Variants in ACTL8 observed in about 807,000 individuals in gnomAD.
ACTL8 encodes actin-like protein 8.
Under a neutral mutation model 9.3 loss-of-function variants are expected in ACTL8, and 3 were observed. That is an observed-to-expected ratio of 0.32 (90% CI 0.15 to 0.83). ACTL8 has a LOEUF of 0.83. Ranked by LOEUF, ACTL8 falls within the 40% of genes least tolerant of loss-of-function variation. The pLI is 0.57. For missense variants in ACTL8, 381 were observed against 492.2 expected (o/e 0.77, Z 2.14); for synonymous variants, 224 against 205.9 (o/e 1.09, Z -0.75).
chr1:17,778,851 A>G (rs1379664917), intron 1 of ACTL8, among the ~76,000 whole-genome samples: 1 of 151,934 alleles, frequency 6.6e-6, no homozygotes, highest in East Asian at 1.9e-4. Context: ...CCAGACATGG[A>G]TTTGGTGCTC....
At chr1:17,778,922 T>C (rs1054513660) in intron 1 of ACTL8, among the ~76,000 whole-genome samples, 18 of 152,230 alleles carry the variant, frequency 1.2e-4, no homozygotes, top group African/African-American at 3.6e-4. Context: ...GTGGGAATGA[T>C]AGAGGGGCTG....
chr1:17,824,615 T>A (rs1204819444), intron 2 of ACTL8, among the ~76,000 whole-genome samples: 3 of 152,218 alleles, frequency 2.0e-5, no homozygotes, highest in Non-Finnish European at 4.4e-5. Flanking sequence ...AATGTCTTAG[T>A]ATTTAAGTAT....
chr1:17,825,636 C>A, intron 2 of ACTL8, 131 bp from the exon 3 acceptor site: 1 of 1,216,410 alleles, frequency 8.2e-7, no homozygotes, highest in Non-Finnish European at 1.1e-6. Flanking sequence ...GCATAAGCTC[C>A]AGGGGCCCTG....
intron 1 of ACTL8, among the ~76,000 whole-genome samples, chr1:17,776,395 G>C (rs1422178527): frequency 6.6e-6 from 1 of 152,178 alleles, no homozygotes; most frequent in Non-Finnish European, 1.5e-5. Flanking sequence ...GGACTGCTGG[G>C]TTGGTCCTGA....
intron 1 of ACTL8, among the ~76,000 whole-genome samples, chr1:17,760,850 A>C (rs2065997133): frequency 6.6e-6 from 1 of 152,236 alleles, no homozygotes; most frequent in African/African-American, 2.4e-5. Context: ...AGCGGCCATG[A>C]TTAGTCAAAT....
intron 1 of ACTL8, among the ~76,000 whole-genome samples, chr1:17,820,843 T>G (rs1162510422): frequency 6.6e-6 from 1 of 152,158 alleles, no homozygotes; most frequent in African/African-American, 2.4e-5. Context: ...TCCCAAAGTA[T>G]GCTGAACTTT....
At chr1:17,772,230 A>G (rs2066087885) in intron 1 of ACTL8, among the ~76,000 whole-genome samples, 1 of 152,242 alleles carries the variant, frequency 6.6e-6, no homozygotes, top group African/African-American at 2.4e-5. Flanking sequence ...CATTGGAACA[A>G]ATACGCATTT....
chr1:17,790,569 G>A (rs1424040645), intron 1 of ACTL8, among the ~76,000 whole-genome samples: 8 of 152,228 alleles, frequency 5.3e-5, no homozygotes, highest in Non-Finnish European at 1.0e-4. Context: ...CTCAGAAAGT[G>A]CATGCTGATT....
intron 1 of ACTL8, among the ~76,000 whole-genome samples, chr1:17,780,001 G>A (rs916423496): frequency 6.6e-6 from 1 of 152,024 alleles, no homozygotes; most frequent in African/African-American, 2.4e-5. Flanking sequence ...GAGTCCAGGA[G>A]TTTGAGACCA....
chr1:17,778,990 A>G (rs181566615), intron 1 of ACTL8, among the ~76,000 whole-genome samples: 44 of 152,136 alleles, frequency 2.9e-4, no homozygotes, highest in African/African-American at 9.6e-4. Context: ...TCTCCCCAGG[A>G]CTGTTTTTGC....
At chr1:17,783,990 G>A (rs1428267401) in intron 1 of ACTL8, among the ~76,000 whole-genome samples, 2 of 152,346 alleles carry the variant, frequency 1.3e-5, no homozygotes, top group East Asian at 3.9e-4. Flanking sequence ...AGCTGCTTAA[G>A]CATGTTGAGC....
chr1:17,810,255 A>C (rs2066384894), intron 1 of ACTL8, among the ~76,000 whole-genome samples: 2 of 152,226 alleles, frequency 1.3e-5, no homozygotes, highest in Admixed American at 6.5e-5. Flanking sequence ...TACGTTCTCC[A>C]ATATCCATCA....
chr1:17,784,407 C>T (rs1390533060), intron 1 of ACTL8, among the ~76,000 whole-genome samples: 1 of 152,160 alleles, frequency 6.6e-6, no homozygotes, highest in Non-Finnish European at 1.5e-5. Context: ...AGAGCCAAAC[C>T]ATATCAGGAA....
chr1:17,826,022 G>C lies in ACTL8; in HGVS notation c.604G>C (p.Glu202Gln). 6.2e-7 allele frequency: 1 copy of C among 1,606,914 alleles called. No homozygotes were observed. Among genetic ancestry groups the C allele is most frequent in the Non-Finnish European group, 8.5e-7 (1 of 1,179,988 alleles). ...DCDRRCLFQL[E>Q]TVAVTQMNKC... ...CGATAGACGCTGCCTGTTTCAGCTG[G>C]AGACAGTCGCCGTGACTCAGATGAA... Residue 202 changes from glutamate (E) to glutamine (Q), a missense_variant, in exon 3 of 3, where the codon GAG becomes CAG. Physicochemically the swap from Glu to Gln is conservative, Grantham distance 29. Transcript: ENST00000375406. The surrounding 1 kb of genome is among the most constrained non-coding windows in gnomAD (Gnocchi z 4.5).
intron 1 of ACTL8, among the ~76,000 whole-genome samples, chr1:17,804,965 T>C (rs899107652): frequency 6.6e-6 from 1 of 152,054 alleles, no homozygotes; most frequent in East Asian, 1.9e-4. Context: ...CTCCTAACAC[T>C]TGGGACAGAC....
At chr1:17,773,847 A>G (rs2066099392) in intron 1 of ACTL8, among the ~76,000 whole-genome samples, 2 of 152,260 alleles carry the variant, frequency 1.3e-5, no homozygotes, top group Admixed American at 1.3e-4. Flanking sequence ...TGAGATTAAC[A>G]GGATTTCTGA....
intron 1 of ACTL8, among the ~76,000 whole-genome samples, chr1:17,811,721 T>C (rs1354437397): frequency 6.6e-6 from 1 of 152,226 alleles, no homozygotes; most frequent in Non-Finnish European, 1.5e-5. Flanking sequence ...AAAGACTATC[T>C]TTTCATCACG....
At chr1:17,778,669 C>G (rs967027029) in intron 1 of ACTL8, among the ~76,000 whole-genome samples, 3 of 152,132 alleles carry the variant, frequency 2.0e-5, no homozygotes, top group Admixed American at 2.0e-4. Context: ...TTCCCTACTC[C>G]GGGCCTATCT....
rs369370044 is a variant in ACTL8 at position 17,767,970 on chromosome 1, G to C, written c.-25+12466G>C. ...CTGGGTGTCTGTGGGTTCAGTCCTG[G>C]GGGGCAGGGGTGAGCATATATGTGA... is the stretch of plus-strand genomic sequence containing the variant. On this transcript the variant is annotated intron_variant, in intron 1 of 2. Transcript: ENST00000375406. The surrounding 1 kb of genome is among the most constrained non-coding windows in gnomAD (Gnocchi z 4.7). 4.6e-5 allele frequency among the ~76,000 whole-genome samples: 7 copies of C among 152,096 alleles called. No individual in the cohort carries two copies. Among genetic ancestry groups the C allele is most frequent in the Admixed American group, 1.3e-4 (2 of 15,266 alleles).
Sources: allele counts gnomAD v4.1 joint callset (sites outside exome capture counted in the v4.1 genomes callset), GRCh38; gene constraint gnomAD v4.1.1; non-coding constraint Gnocchi (gnomAD v3.1); transcripts MANE v1.5; gene names NCBI Gene and HGNC (gene_info 2026-07-23, HGNC 2026-07-21).